HCN1: variants seen among roughly 807,000 people sequenced by gnomAD.
HCN1 encodes potassium/sodium hyperpolarization-activated cyclic nucleotide-gated channel 1.
In HCN1, 13 loss-of-function variants were observed where a neutral mutation model predicts 78.9. The ratio of observed to expected loss-of-function variants is 0.16; its 90% CI spans 0.11 to 0.26. HCN1 has a LOEUF of 0.26. Among genes scored for constraint, HCN1 ranks in the 10% least tolerant of loss-of-function variants. The pLI is 1.00. For synonymous variants in HCN1, 552 were observed against 455.5 expected (o/e 1.21, Z -2.70); for missense variants, 810 against 1,154.3 (o/e 0.70, Z 4.32).
chr5:45,266,539 TC>T (rs1744861255), intron 7 of HCN1, among the ~76,000 whole-genome samples: 1 of 152,170 alleles, frequency 6.6e-6, no homozygotes, highest in Admixed American at 6.5e-5. Context: ...TGTTTTGGCA[TC>T]AGTCGGGAAA....
chr5:45,397,242 T>C (rs1579867548), intron 3 of HCN1, among the ~76,000 whole-genome samples: 1 of 152,178 alleles, frequency 6.6e-6, no homozygotes, highest in Non-Finnish European at 1.5e-5. Flanking sequence ...AATACAGGTC[T>C]GATAAATGGA....
chr5:45,324,309 G>GA (rs1746191875), intron 5 of HCN1, among the ~76,000 whole-genome samples: 1 of 151,622 alleles, frequency 6.6e-6, no homozygotes, highest in Admixed American at 6.6e-5. Context: ...AAATTTACAA[G>GA]AAAAAAACAA....
At chr5:45,295,118 C>T (rs1745462588) in intron 6 of HCN1, among the ~76,000 whole-genome samples, 1 of 151,826 alleles carries the variant, frequency 6.6e-6, no homozygotes. Context: ...ACTCACTCAC[C>T]ACCCAACTGG....
At chr5:45,367,736 A>G (rs553883487) in intron 4 of HCN1, among the ~76,000 whole-genome samples, 20 of 152,042 alleles carry the variant, frequency 1.3e-4, no homozygotes, top group African/African-American at 4.3e-4. Context: ...AGAACTTCCA[A>G]TCTAACTACA....
chr5:45,682,353 T>C (rs1349454857), intron 1 of HCN1, among the ~76,000 whole-genome samples: 2 of 149,370 alleles, frequency 1.3e-5, no homozygotes, highest in African/African-American at 4.9e-5. Flanking sequence ...ATAGAGCTCA[T>C]AGAAATATGC....
chr5:45,480,575 A>G (rs1262615658), intron 2 of HCN1, among the ~76,000 whole-genome samples: 2 of 152,190 alleles, frequency 1.3e-5, no homozygotes, highest in Admixed American at 1.3e-4. Flanking sequence ...GAGACACTCA[A>G]ATGAGAAGGG....
chr5:45,370,795 T>C (rs1381431065), intron 4 of HCN1, among the ~76,000 whole-genome samples: 1 of 151,894 alleles, frequency 6.6e-6, no homozygotes, highest in East Asian at 1.9e-4. Context: ...TGACACAAAA[T>C]GCAAAAAAAT....
At chr5:45,417,933 TA>T (rs1740150634) in intron 3 of HCN1, among the ~76,000 whole-genome samples, 2 of 151,962 alleles carry the variant, frequency 1.3e-5, no homozygotes, top group East Asian at 3.9e-4. Context: ...AAAAACGTGT[TA>T]ATTCTAAATA....
chr5:45,364,219 T>G (rs1747185634), intron 4 of HCN1, among the ~76,000 whole-genome samples: 1 of 152,134 alleles, frequency 6.6e-6, no homozygotes, highest in South Asian at 2.1e-4. Flanking sequence ...CCTTTTCTTT[T>G]CACCTTACGT....
intron 1 of HCN1, among the ~76,000 whole-genome samples, chr5:45,694,175 CT>C (rs976680543): frequency 1.3e-5 from 2 of 151,868 alleles, no homozygotes; most frequent in Non-Finnish European, 2.9e-5. Context: ...TGAACATTTT[CT>C]TTTTTTTAAA....
intron 3 of HCN1, among the ~76,000 whole-genome samples, chr5:45,434,617 A>G (rs900534172): frequency 6.6e-6 from 1 of 152,234 alleles, no homozygotes; most frequent in African/African-American, 2.4e-5. Context: ...CATTTGGCCA[A>G]TGTCTGAACA....
At chr5:45,448,601 G>T (rs1306636786) in intron 3 of HCN1, among the ~76,000 whole-genome samples, 1 of 152,072 alleles carries the variant, frequency 6.6e-6, no homozygotes, top group Non-Finnish European at 1.5e-5. Flanking sequence ...GGTTTCTTTA[G>T]CCACGTTTAT....
chr5:45,513,040 A>C (rs1742446013), intron 2 of HCN1, among the ~76,000 whole-genome samples: 1 of 152,162 alleles, frequency 6.6e-6, no homozygotes, highest in Admixed American at 6.6e-5. Context: ...TGGAGACATA[A>C]AAACACAACA....
chr5:45,478,947 C>A (rs1741584210), intron 2 of HCN1, among the ~76,000 whole-genome samples: 2 of 151,948 alleles, frequency 1.3e-5, no homozygotes, highest in Admixed American at 6.6e-5. Context: ...CATGGTTAAA[C>A]CCGTGTCTCC....
chr5:45,637,647 A>G (rs1414339797), intron 2 of HCN1, among the ~76,000 whole-genome samples: 1 of 151,780 alleles, frequency 6.6e-6, no homozygotes, highest in African/African-American at 2.4e-5. Context: ...CAATGCGTAA[A>G]TAAAATGAGA....
At chr5:45,500,798 G>A (rs913298734) in intron 2 of HCN1, among the ~76,000 whole-genome samples, 7 of 151,954 alleles carry the variant, frequency 4.6e-5, no homozygotes, top group Non-Finnish European at 7.4e-5. Flanking sequence ...TTTTATTTGA[G>A]AAAAAAATAA....
At chr5:45,443,167 C>G (rs1037120946) in intron 3 of HCN1, among the ~76,000 whole-genome samples, 1 of 151,798 alleles carries the variant, frequency 6.6e-6, no homozygotes. Context: ...TTTTAGATAA[C>G]CATAATATAT....
chr5:45,407,232 C>G (rs1579874055), intron 3 of HCN1, among the ~76,000 whole-genome samples: 1 of 152,116 alleles, frequency 6.6e-6, no homozygotes, highest in Non-Finnish European at 1.5e-5. Context: ...TTCCTATCTC[C>G]TAGTGATCCT....
chr5:45,663,963 T>C (rs1745977255), intron 1 of HCN1, among the ~76,000 whole-genome samples: 1 of 144,896 alleles, frequency 6.9e-6, no homozygotes, highest in Non-Finnish European at 1.5e-5. Flanking sequence ...ACTGGGTATA[T>C]ACCCAAATGA....
Sources: gnomAD v4.1 joint callset for allele counts (sites outside exome capture counted in the v4.1 genomes callset) on GRCh38, gnomAD v4.1.1 for gene constraint, MANE v1.5 for transcripts, NCBI Gene and HGNC (gene_info 2026-07-23, HGNC 2026-07-21) for gene names.